The following GON4L variants were observed in gnomAD, a reference collection of about 807,000 sequenced individuals.
The protein encoded by GON4L is gon-4 like.
GON4L carries 87 observed loss-of-function variants against 211.8 expected under a neutral mutation model. The observed-to-expected ratio is 0.41, with a 90% CI of 0.35 to 0.49. GON4L has a LOEUF of 0.49. Among genes scored for constraint, GON4L ranks in the 20% least tolerant of loss-of-function variants. The pLI is 0.15. For synonymous variants in GON4L, 875 were observed against 962.6 expected (o/e 0.91, Z 1.68); for missense variants, 2,155 against 2,659.5 (o/e 0.81, Z 4.17).
intron 11 of GON4L, among the ~76,000 whole-genome samples, chr1:155,803,247 CTTTTT>C (rs1017161138): frequency 7.1e-6 from 1 of 141,118 alleles, no homozygotes; most frequent in Non-Finnish European, 1.6e-5. Context: ...ATTTCTTTTT[CTTTTT>C]TTTTTTTTTT....
At position 155,765,391 on chromosome 1, in the gene GON4L, G is replaced by A; in HGVS notation, c.4082C>T (p.Pro1361Leu). Residue 1361 changes from proline to leucine, a missense_variant, in exon 21 of 32, where the codon CCA becomes CTA. Pro to Leu is a moderately conservative substitution (Grantham distance 98). Coordinates refer to ENST00000368331, the MANE Select transcript of GON4L (RefSeq NM_001282860.2). ...TCCAGCACTGCTCAACTCCTCGCTTGGGGCACCAGTGTCCAATTCCACAGC... is the reference window on the plus strand; with the variant it reads ...TCCAGCACTGCTCAACTCCTCGCTTAGGGCACCAGTGTCCAATTCCACAGC... ...EHAVELDTGA[P>L]SEELSSAGEV... The A allele has an allele frequency of 6.2e-7, 1 of 1,614,084 alleles. No individual in the cohort carries two copies.
rs1245450392 is a variant in GON4L at position 155,807,693 on chromosome 1, G to A, written c.1453-2552C>T. On this transcript the variant is annotated intron_variant, in intron 10 of 31. Coordinates refer to ENST00000368331, the MANE Select transcript of GON4L (RefSeq NM_001282860.2). ...CACTCCAGTCTGGGTGACAGAGCCA[G>A]ACTCCGTCTCAAAAAAAAAAAAAAA... Among the ~76,000 whole-genome samples the A allele has an allele frequency of 4.3e-5, 4 of 92,360 alleles. No individual in the cohort carries two copies. The East Asian group carries it at 1.2e-3, about 28-fold the overall frequency. 60.6% of individuals were successfully genotyped at this position (92,360 alleles called of 152,430 possible). A position where few individuals can be genotyped will look rare whatever the true frequency, so the allele number is the denominator to read the frequency against.
intron 3 of GON4L, among the ~76,000 whole-genome samples, chr1:155,825,784 T>C (rs1324435796): frequency 6.6e-6 from 1 of 151,856 alleles, no homozygotes; most frequent in Non-Finnish European, 1.5e-5. Flanking sequence ...GGCTCATGCC[T>C]GTAATCCCAG....
chr1:155,792,738 C>T (rs546251677), intron 12 of GON4L, among the ~76,000 whole-genome samples: 4 of 152,086 alleles, frequency 2.6e-5, no homozygotes, highest in Admixed American at 6.6e-5. Context: ...TGTTTCTTTA[C>T]TGTTGACCAT....
intron 2 of GON4L, among the ~76,000 whole-genome samples, chr1:155,847,039 T>C (rs1010978867): frequency 5.3e-5 from 8 of 152,178 alleles, no homozygotes; most frequent in African/African-American, 1.9e-4. Flanking sequence ...AGTTGAATTT[T>C]CCCCATCTTG....
chr1:155,764,810 A>G (rs1044000428), intron 21 of GON4L, 190 bp downstream of exon 21: 33 of 1,408,502 alleles, frequency 2.3e-5, no homozygotes, highest in Non-Finnish European at 3.1e-5. Context: ...GTTTAATATA[A>G]TAAGTAAAAT....
chr1:155,853,772 G>C lies in GON4L; in HGVS notation c.9C>G (p.Pro3=). Residue 3 remains proline, a synonymous_variant, in exon 2 of 32, where the codon CCC becomes CCG. Coordinates refer to ENST00000368331, the MANE Select transcript of GON4L (RefSeq NM_001282860.2). ML[P]CKKRRTTVTE... ...TCACTGTAGTTCTTCTCTTCTTACA[G>C]GGCAACATTTTAAAAGTCCCACTTT... 1 of 1,613,222 alleles carries C rather than the reference G, an allele frequency of 6.2e-7. No homozygotes were observed. Among genetic ancestry groups the C allele is most frequent in the Non-Finnish European group, 8.5e-7 (1 of 1,179,266 alleles).
chr1:155,781,479 T>C (rs1472834380), intron 14 of GON4L, among the ~76,000 whole-genome samples: 1 of 151,596 alleles, frequency 6.6e-6, no homozygotes, highest in Non-Finnish European at 1.5e-5. Context: ...TTATTATTTT[T>C]TGAGATGGAG....
chr1:155,829,197 A>G (rs1669511699), intron 2 of GON4L, among the ~76,000 whole-genome samples: 1 of 152,112 alleles, frequency 6.6e-6, no homozygotes, highest in Non-Finnish European at 1.5e-5. Context: ...GTTCTTCTGA[A>G]TTTGACTTAC....
chr1:155,808,176 A>G (rs1007153496), intron 10 of GON4L, among the ~76,000 whole-genome samples: 7 of 151,930 alleles, frequency 4.6e-5, no homozygotes, highest in African/African-American at 1.5e-4. Flanking sequence ...AACTGGGATT[A>G]CAGGTGTGCG....
Position 155,752,277 on chromosome 1 carries a change from C to T in GON4L, c.6156G>A (p.Leu2052=), listed in dbSNP as rs901319397. ...PGTVEPPASF[L]SPVSSKTRDA... Reference sequence around the variant, plus strand: ...CTCTGGTCTTTGAGGAAACAGGACTCAGGAAGGAAGCAGGGGGTTCCACGG... The same window carrying T: ...CTCTGGTCTTTGAGGAAACAGGACTTAGGAAGGAAGCAGGGGGTTCCACGG... Residue 2052 remains leucine, a synonymous_variant, in exon 30 of 32, where the codon CTG becomes CTA. Coordinates refer to ENST00000368331, the MANE Select transcript of GON4L (RefSeq NM_001282860.2). 34 of 1,592,820 alleles carry T rather than the reference C, an allele frequency of 2.1e-5. No individual in the cohort carries two copies. Among genetic ancestry groups the T allele is most frequent in the Non-Finnish European group, 2.7e-5 (31 of 1,161,230 alleles).
intron 10 of GON4L, among the ~76,000 whole-genome samples, chr1:155,808,186 G>A (rs113134681): frequency 0.067 from 10,175 of 151,826 alleles, 437 homozygotes; most frequent in African/African-American, 0.12. Flanking sequence ...ACAGGTGTGC[G>A]CCACCACACC....
At position 155,766,408 on chromosome 1, in the gene GON4L, G is replaced by C; in HGVS notation, c.3065C>G (p.Pro1022Arg). ...GGCTTCTGAATGAGTTGATCGGGCT[G>C]GTGTTTTCCCAGGGTTGAAGCTGGG... ...LQPSFNPGKT[P>R]ARSTHSEAPP... The change falls in exon 21 of 32, where the codon CCA becomes CGA. Residue 1022 changes from proline (P) to arginine (R), a missense_variant. Around this residue, in one of 6 missense-constraint regions of GON4L, gnomAD observed 615 missense variants for 625.7 expected, o/e 0.98. Coordinates refer to ENST00000368331, the MANE Select transcript of GON4L (RefSeq NM_001282860.2). 6.2e-7 allele frequency: 1 copy of C among 1,614,126 alleles called. No homozygotes were observed. Among genetic ancestry groups the C allele is most frequent in the Non-Finnish European group, 8.5e-7 (1 of 1,180,018 alleles).
intron 7 of GON4L, 58 bp from the exon 8 acceptor site, chr1:155,815,958 T>G: frequency 9.3e-7 from 1 of 1,070,590 alleles, no homozygotes; most frequent in Non-Finnish European, 1.5e-6. Flanking sequence ...CATACGTATT[T>G]GGAAAATAAG....
At chr1:155,762,444 C>T (rs996204542) in intron 22 of GON4L, 70 bp from the exon 23 acceptor site, 19 of 1,285,356 alleles carry the variant, frequency 1.5e-5, no homozygotes, top group Non-Finnish European at 1.6e-5. Context: ...CCACCACATG[C>T]ACCACCCCAG....
At chr1:155,761,638 G>A (rs886109998) in intron 23 of GON4L, among the ~76,000 whole-genome samples, 1 of 151,742 alleles carries the variant, frequency 6.6e-6, no homozygotes, top group Non-Finnish European at 1.5e-5. Context: ...TAGGATTACA[G>A]GCGCCCACCA....
downstream of GON4L, chr1:155,748,334 C>G (rs138213415): frequency 8.8e-4 from 1,317 of 1,488,904 alleles, no homozygotes; most frequent in Non-Finnish European, 1.1e-3. Context: ...CTGGTGTTAA[C>G]ATTCTGCCTC....
chr1:155,840,556 G>A (rs1670677878), intron 2 of GON4L, among the ~76,000 whole-genome samples: 1 of 152,042 alleles, frequency 6.6e-6, no homozygotes. Context: ...CATTACCACT[G>A]CCAGCCCTTT....
chr1:155,825,576 CA>C (rs58768970), intron 3 of GON4L, among the ~76,000 whole-genome samples: 11 of 140,568 alleles, frequency 7.8e-5, no homozygotes, highest in African/African-American at 1.3e-4. Flanking sequence ...TGTCTCAAAA[CA>C]AAAAAAAAAA....
Sources: allele counts gnomAD v4.1 joint callset (sites outside exome capture counted in the v4.1 genomes callset), GRCh38; gene constraint gnomAD v4.1.1; regional missense constraint gnomAD v4.1.1; transcripts MANE v1.5; gene names NCBI Gene and HGNC (gene_info 2026-07-23, HGNC 2026-07-21).